The following BLK variants were observed in gnomAD, a reference collection of about 807,000 sequenced individuals.
BLK encodes BLK proto-oncogene, Src family tyrosine kinase.
BLK carries 64 observed loss-of-function variants against 61.8 expected under a neutral mutation model. The observed-to-expected ratio is 1.03, with a 90% CI of 0.85 to 1.27. BLK has a LOEUF of 1.27. BLK is among the 50% of genes most tolerant of loss of function. The pLI, the probability that BLK is intolerant of heterozygous loss-of-function variation, is 0.00. For missense variants in BLK, 853 were observed against 660.5 expected (o/e 1.29, Z -3.19); for synonymous variants, 351 against 272.0 (o/e 1.29, Z -2.86).
At chr8:11,530,698 A>G (rs1799850282) in intron 1 of BLK, among the ~76,000 whole-genome samples, 1 of 146,550 alleles carries the variant, frequency 6.8e-6, no homozygotes, top group Non-Finnish European at 1.5e-5. Flanking sequence ...AGTTTTCTTT[A>G]CTCTGAAAAA....
At chr8:11,542,805 G>T (rs1291326317) in intron 1 of BLK, among the ~76,000 whole-genome samples, 1 of 152,318 alleles carries the variant, frequency 6.6e-6, no homozygotes, top group East Asian at 1.9e-4. Context: ...AAGAGCTAAT[G>T]GGTCGGAGAG....
rs376140772 is a variant in BLK at position 11,563,026 on chromosome 8, G to A, written c.1228G>A (p.Gly410Arg). The change falls in exon 12 of 13, where the codon GGG becomes AGG. Residue 410 changes from glycine (G) to arginine (R), a missense_variant. Transcript: ENST00000259089. ...KWTAPEAIHF[G>R]VFTIKADVWS... is the part of the protein sequence containing the mutation. ...GACAGCCCCGGAAGCCATCCACTTC[G>A]GGGTCTTCACCATCAAAGCAGACGT... 9 of 1,614,154 alleles carry A rather than the reference G, an allele frequency of 5.6e-6. No homozygotes were observed. Among genetic ancestry groups the A allele is most frequent in the Admixed American group, 3.3e-5 (2 of 60,028 alleles).
intron 4 of BLK, 89 bp downstream of exon 4, chr8:11,548,214 G>C: frequency 1.7e-6 from 2 of 1,148,624 alleles, no homozygotes; most frequent in Non-Finnish European, 1.3e-6. Context: ...CTCCATGGCT[G>C]ACCCTGGAAG....
intron 1 of BLK, among the ~76,000 whole-genome samples, chr8:11,515,973 C>T (rs1799209254): frequency 6.6e-6 from 1 of 152,214 alleles, no homozygotes. Context: ...GATGGGTGTG[C>T]ACTCGCGTGC....
At chr8:11,562,856 C>A in intron 11 of BLK, 123 bp from the exon 12 acceptor site, 2 of 1,408,054 alleles carry the variant, frequency 1.4e-6, no homozygotes, top group Non-Finnish European at 2.0e-6. Context: ...CTGGCCGCCC[C>A]GCCCTGTGAG....
At position 11,550,149 on chromosome 8, in the gene BLK, C is replaced by G; in HGVS notation, c.369-10C>G. On this transcript the variant is annotated splice_polypyrimidine_tract_variant and intron_variant, in intron 5 of 12. Coordinates refer to ENST00000259089, the MANE Select transcript of BLK (RefSeq NM_001715.3). ...CGCTCTGAGTTTCACCTGTTCCTGCCGTTTTCCAGGTGGTTCTTTAGATCA... is the reference window on the plus strand; with the variant it reads ...CGCTCTGAGTTTCACCTGTTCCTGCGGTTTTCCAGGTGGTTCTTTAGATCA... 14 of 1,613,286 alleles carry G rather than the reference C, an allele frequency of 8.7e-6. No homozygotes were observed. The highest frequency in any genetic ancestry group is 1.3e-5 in the African/African-American group (1 of 75,004).
intron 1 of BLK, among the ~76,000 whole-genome samples, chr8:11,526,488 G>C (rs1799655255): frequency 6.6e-6 from 1 of 152,194 alleles, no homozygotes; most frequent in Non-Finnish European, 1.5e-5. Flanking sequence ...GGAGGCCAAG[G>C]CGGGTGGGTC....
chr8:11,536,610 G>A (rs1800143520), intron 1 of BLK, among the ~76,000 whole-genome samples: 2 of 152,096 alleles, frequency 1.3e-5, no homozygotes, highest in Admixed American at 6.5e-5. Context: ...GTTTCACCAT[G>A]TTGGCCAGGT....
At chr8:11,509,149 G>C (rs1291397753) in intron 1 of BLK, 1 of 151,954 alleles carries the variant, frequency 6.6e-6, no homozygotes, top group Non-Finnish European at 1.5e-5. Flanking sequence ...CCCTCCTTTA[G>C]GTTACACCGC....
At chr8:11,555,759 C>T in intron 8 of BLK, 3 of 526,820 alleles carry the variant, frequency 5.7e-6, no homozygotes, top group Non-Finnish European at 1.0e-5. Context: ...CTGCCTGAAG[C>T]TGGCTTTGAC....
At chr8:11,540,698 G>GA (rs1341975641) in intron 1 of BLK, among the ~76,000 whole-genome samples, 1 of 151,842 alleles carries the variant, frequency 6.6e-6, no homozygotes, top group African/African-American at 2.4e-5. Flanking sequence ...ACAAAGAGGA[G>GA]AAAAAATGGG....
chr8:11,545,532 G>C (rs1314282406), intron 2 of BLK, among the ~76,000 whole-genome samples: 1 of 152,168 alleles, frequency 6.6e-6, no homozygotes, highest in Non-Finnish European at 1.5e-5. Context: ...CTGGGCAACA[G>C]AGCGAGACTC....
chr8:11,554,917 G>A, intron 7 of BLK, 28 bp downstream of exon 7: 1 of 1,607,944 alleles, frequency 6.2e-7, no homozygotes, highest in Non-Finnish European at 8.5e-7. Flanking sequence ...ATGGGGGCAG[G>A]GACTTGTGCC....
intron 1 of BLK, chr8:11,509,078 C>G (rs1039464485): frequency 6.6e-6 from 1 of 152,216 alleles, no homozygotes; most frequent in African/African-American, 2.4e-5. Context: ...AACAATGACT[C>G]AGGTGCTGAC....
chr8:11,563,539 G>A (rs949242091), intron 12 of BLK, among the ~76,000 whole-genome samples: 15 of 152,166 alleles, frequency 9.9e-5, no homozygotes, highest in Non-Finnish European at 2.1e-4. Context: ...CCCACAGGTG[G>A]GCAGGCTCCG....
intron 1 of BLK, among the ~76,000 whole-genome samples, chr8:11,513,604 C>T (rs948737494): frequency 2.6e-5 from 4 of 152,220 alleles, no homozygotes; most frequent in African/African-American, 9.7e-5. Flanking sequence ...GCCCTCGCTG[C>T]ACAGAGACAG....
chr8:11,533,063 A>G (rs1799955592), intron 1 of BLK, among the ~76,000 whole-genome samples: 2 of 151,658 alleles, frequency 1.3e-5, no homozygotes, highest in South Asian at 4.2e-4. Flanking sequence ...TTGAGTCAGA[A>G]GGTGTACTAG....
At chr8:11,546,366 G>A (rs765498611) in intron 3 of BLK, among the ~76,000 whole-genome samples, 3 of 152,172 alleles carry the variant, frequency 2.0e-5, no homozygotes, top group Admixed American at 6.5e-5. Flanking sequence ...AAAAACAAGA[G>A]TCCCAGGGAA....
At chr8:11,534,933 G>C (rs541341080) in intron 1 of BLK, among the ~76,000 whole-genome samples, 1 of 152,164 alleles carries the variant, frequency 6.6e-6, no homozygotes. Context: ...CAGAACTTTG[G>C]GAGGCTGAAG....
Sources: allele counts gnomAD v4.1 joint callset (sites outside exome capture counted in the v4.1 genomes callset), GRCh38; gene constraint gnomAD v4.1.1; transcripts MANE v1.5; gene names NCBI Gene and HGNC (gene_info 2026-07-23, HGNC 2026-07-21).